Variants in PDE4D observed in about 807,000 individuals in gnomAD.
The protein encoded by PDE4D is phosphodiesterase 4D, also known as 3',5'-cyclic-AMP phosphodiesterase 4D.
A neutral mutation model predicts 87.4 loss-of-function variants in PDE4D; 24 were observed. That is an observed-to-expected ratio of 0.27 (90% CI 0.20 to 0.39). The LOEUF is 0.39. Ranked by LOEUF, PDE4D falls within the 10% of genes least tolerant of loss-of-function variation. The pLI, the probability that PDE4D is intolerant of heterozygous loss-of-function variation, is 1.00. For missense variants in PDE4D, 714 were observed against 1,041.0 expected (o/e 0.69, Z 4.32); for synonymous variants, 384 against 383.2 (o/e 1.00, Z -0.02).
At chr5:60,298,178 T>A (rs1240930256) in intron 1 of PDE4D, among the ~76,000 whole-genome samples, 1 of 151,720 alleles carries the variant, frequency 6.6e-6, no homozygotes, top group Non-Finnish European at 1.5e-5. Context: ...CAGGAAAAAA[T>A]TCCAATTAAC....
chr5:58,979,188 G>A (rs991660070), intron 11 of PDE4D, among the ~76,000 whole-genome samples: 6 of 152,174 alleles, frequency 3.9e-5, no homozygotes, highest in African/African-American at 1.4e-4. Flanking sequence ...GCAACAAAGA[G>A]TCTGAGTTCT....
At chr5:59,193,394 A>G (rs1258838873) in intron 3 of PDE4D, 106 bp downstream of exon 3, 5 of 1,043,232 alleles carry the variant, frequency 4.8e-6, no homozygotes, top group Middle Eastern at 2.0e-4. Context: ...TTGTATTTGT[A>G]CTTGTGCTTG....
At chr5:59,408,414 C>T (rs1422765734) in intron 1 of PDE4D, among the ~76,000 whole-genome samples, 1 of 152,176 alleles carries the variant, frequency 6.6e-6, no homozygotes, top group African/African-American at 2.4e-5. Context: ...GCCTGGGTGT[C>T]CAGGCAGAAG....
chr5:60,133,355 G>A (rs923915073), intron 2 of PDE4D, among the ~76,000 whole-genome samples: 2 of 151,790 alleles, frequency 1.3e-5, no homozygotes, highest in African/African-American at 4.8e-5. Flanking sequence ...TTTAGACGGG[G>A]TCTCGTTCTG....
chr5:59,775,965 T>C (rs1323077693), intron 1 of PDE4D, among the ~76,000 whole-genome samples: 1 of 152,158 alleles, frequency 6.6e-6, no homozygotes, highest in East Asian at 1.9e-4. Flanking sequence ...AGTCATTCTG[T>C]TTTTTGAATA....
chr5:59,187,592 G>T (rs903127671), intron 3 of PDE4D, among the ~76,000 whole-genome samples: 3 of 152,140 alleles, frequency 2.0e-5, no homozygotes, highest in Admixed American at 2.0e-4. Flanking sequence ...AATAAAAAGT[G>T]AAAAAAGGAA....
At chr5:60,097,288 T>TGTGTGTGTGTGTGTGTGTGTGTGTGTGTG (rs1562088754) in intron 2 of PDE4D, among the ~76,000 whole-genome samples, 38 of 151,554 alleles carry the variant, frequency 2.5e-4, no homozygotes, top group Non-Finnish European at 3.2e-4. Context: ...TGTGTGTGTG[T>TGTGTGTGTGTGTGTGTGTGTGTGTGTGTG]TTAACAAATA....
At chr5:60,048,833 A>G (rs1417500394) in intron 2 of PDE4D, among the ~76,000 whole-genome samples, 13 of 151,932 alleles carry the variant, frequency 8.6e-5, no homozygotes, top group Admixed American at 8.5e-4. Flanking sequence ...TGAATCTGAC[A>G]ATTATGTGTC....
chr5:59,726,525 G>C (rs965794900), intron 1 of PDE4D, among the ~76,000 whole-genome samples: 1 of 152,044 alleles, frequency 6.6e-6, no homozygotes, highest in Non-Finnish European at 1.5e-5. Flanking sequence ...TGCAAGCCAG[G>C]AAGAGGGCCC....
At chr5:59,250,209 G>T (rs951722819) in intron 1 of PDE4D, among the ~76,000 whole-genome samples, 2 of 151,424 alleles carry the variant, frequency 1.3e-5, no homozygotes, top group Non-Finnish European at 2.9e-5. Context: ...CTATTTTAAG[G>T]GCTGGGCATG....
chr5:59,714,064 C>A (rs1022452826), intron 1 of PDE4D, among the ~76,000 whole-genome samples: 4 of 152,144 alleles, frequency 2.6e-5, no homozygotes, highest in Non-Finnish European at 5.9e-5. Context: ...CAGCCAGAGA[C>A]CCCTGCTTGG....
rs1429570364 is a variant in PDE4D at position 58,991,755 on chromosome 5, T to C, written c.1188+77A>G. On this transcript the variant is annotated intron_variant, in intron 8 of 14. Coordinates refer to ENST00000340635, the MANE Select transcript of PDE4D (RefSeq NM_001104631.2). ...CCCAATTAATAAACTTTTCTATCCA[T>C]TTAAAAGACTAGAAGTGAAAATTCA... The C allele has an allele frequency of 4.2e-6, 4 of 958,046 alleles. No homozygotes were observed. The African/African-American group carries it at 5.1e-5, about 12-fold the overall frequency. 59.3% of individuals were successfully genotyped at this position (958,046 alleles called of 1,614,324 possible).
chr5:59,993,838 C>T (rs913220480), intron 2 of PDE4D, among the ~76,000 whole-genome samples: 1 of 151,924 alleles, frequency 6.6e-6, no homozygotes, highest in Non-Finnish European at 1.5e-5. Context: ...GAAATGCTCA[C>T]ATATTGAAAT....
intron 2 of PDE4D, among the ~76,000 whole-genome samples, chr5:60,150,881 C>G (rs759757151): frequency 6.6e-6 from 1 of 152,088 alleles, no homozygotes; most frequent in South Asian, 2.1e-4. Flanking sequence ...TCAGTAAAAA[C>G]GTGGGTATAC....
At chr5:59,630,701 C>T (rs1392679312) in intron 1 of PDE4D, among the ~76,000 whole-genome samples, 1 of 152,100 alleles carries the variant, frequency 6.6e-6, no homozygotes, top group Non-Finnish European at 1.5e-5. Flanking sequence ...GTGACAAGGT[C>T]ACAACTTCTA....
chr5:59,631,769 T>C (rs576017822), intron 1 of PDE4D, among the ~76,000 whole-genome samples: 2 of 152,340 alleles, frequency 1.3e-5, no homozygotes, highest in South Asian at 4.1e-4. Context: ...GGAGATTCTC[T>C]TGGGTGCCTA....
At chr5:60,110,697 T>C (rs1296790412) in intron 2 of PDE4D, among the ~76,000 whole-genome samples, 1 of 152,126 alleles carries the variant, frequency 6.6e-6, no homozygotes, top group Admixed American at 6.6e-5. Flanking sequence ...GGGATACCTC[T>C]ACCATCATGT....
At chr5:59,704,351 T>C (rs1056262417) in intron 1 of PDE4D, among the ~76,000 whole-genome samples, 1 of 152,214 alleles carries the variant, frequency 6.6e-6, no homozygotes, top group Non-Finnish European at 1.5e-5. Context: ...CAACATTTAT[T>C]GTAATTAGTG....
chr5:60,509,937 C>A (rs1415202553), intron 1 of PDE4D, among the ~76,000 whole-genome samples: 2 of 152,134 alleles, frequency 1.3e-5, no homozygotes, highest in Non-Finnish European at 2.9e-5. Context: ...AGGGCTGGTG[C>A]CAGTGGGACC....
Sources: allele counts gnomAD v4.1 joint callset (sites outside exome capture counted in the v4.1 genomes callset), GRCh38; gene constraint gnomAD v4.1.1; transcripts MANE v1.5; gene names NCBI Gene and HGNC (gene_info 2026-07-23, HGNC 2026-07-21).